Variants in C11orf58 observed in about 807,000 individuals in gnomAD.
C11orf58 encodes chromosome 11 open reading frame 58.
Under a neutral mutation model 22.7 loss-of-function variants are expected in C11orf58, and 5 were observed. The observed-to-expected ratio is 0.22, with a 90% CI of 0.12 to 0.46. C11orf58 has a LOEUF of 0.46. Ranked by LOEUF, C11orf58 falls within the 20% of genes least tolerant of loss-of-function variation. C11orf58 has a pLI of 0.99. For missense variants in C11orf58, 151 were observed against 223.3 expected (o/e 0.68, Z 2.06); for synonymous variants, 71 against 70.7 (o/e 1.00, Z -0.02).
intron 1 of C11orf58, 142 bp downstream of exon 1, chr11:16,738,983 A>G (rs1848420328): frequency 6.8e-6 from 6 of 883,922 alleles, no homozygotes; most frequent in Non-Finnish European, 9.0e-6. Context: ...TGAGTGGGAA[A>G]TGCCTCCCTT....
intron 3 of C11orf58, chr11:16,749,261 CA>C (rs1320095300): frequency 6.6e-6 from 1 of 152,168 alleles, no homozygotes; most frequent in Non-Finnish European, 1.5e-5. Flanking sequence ...TTATGTTTAA[CA>C]AAACTTTAAG....
At chr11:16,750,918 A>G (rs867853314) in intron 3 of C11orf58, 17 of 152,224 alleles carry the variant, frequency 1.1e-4, no homozygotes, top group African/African-American at 3.9e-4. Flanking sequence ...TGTCATCTGT[A>G]GAGATGCTGG....
chr11:16,748,348 A>G (rs1456613306), intron 3 of C11orf58, 191 bp downstream of exon 3: 1 of 471,098 alleles, frequency 2.1e-6, no homozygotes, highest in Non-Finnish European at 3.8e-6. Context: ...GGATCACTTA[A>G]GCCCAGGAGT....
chr11:16,745,100 A>G (rs1052200167), intron 2 of C11orf58, among the ~76,000 whole-genome samples: 1 of 152,218 alleles, frequency 6.6e-6, no homozygotes, highest in African/African-American at 2.4e-5. Context: ...AACCAGAGGA[A>G]TATCCTTTAT....
Position 16,752,804 on chromosome 11 carries a change from T to G in C11orf58, c.228T>G (p.Ile76Met). The change falls in exon 4 of 5, where the codon ATT becomes ATG. Residue 76 changes from isoleucine (I) to methionine (M), a missense_variant. This residue lies in a region of C11orf58 where 112 missense variants were observed against 162.6 expected (regional missense o/e 0.69). Transcript: ENST00000228136. ...ATGCAGGGGAAGAAGACAAGAAAAT[T>G]AATGAAGAACTGGAGTCTCAATATC... ...HFRTGEEDKK[I>M]NEELESQYQQ... 1 of 1,609,794 alleles carries G rather than the reference T, an allele frequency of 6.2e-7. No homozygotes were observed. The highest frequency in any genetic ancestry group is 8.5e-7 in the Non-Finnish European group (1 of 1,178,418).
intron 4 of C11orf58, chr11:16,753,757 G>T (rs1231718066): frequency 2.5e-6 from 1 of 397,342 alleles, no homozygotes; most frequent in African/African-American, 2.1e-5. Flanking sequence ...CCTTTTTTGA[G>T]ACAGGTTCTC....
At chr11:16,753,865 A>G (rs1227617732) in intron 4 of C11orf58, 2 of 485,184 alleles carry the variant, frequency 4.1e-6, no homozygotes, top group Non-Finnish European at 7.4e-6. Flanking sequence ...TGCCTAGCTA[A>G]TTTTTGTATT....
intron 4 of C11orf58, among the ~76,000 whole-genome samples, chr11:16,753,606 G>A (rs1204381656): frequency 5.3e-5 from 8 of 150,126 alleles, no homozygotes; most frequent in Non-Finnish European, 7.4e-5. Context: ...CAGGCAATCC[G>A]CCCACCTCAG....
chr11:16,742,575 G>C (rs1389472336), intron 1 of C11orf58, among the ~76,000 whole-genome samples: 1 of 152,118 alleles, frequency 6.6e-6, no homozygotes, highest in Non-Finnish European at 1.5e-5. Flanking sequence ...AAAATTATGA[G>C]AGCATATAAG....
At chr11:16,740,804 A>ACC (rs1259576710) in intron 1 of C11orf58, among the ~76,000 whole-genome samples, 38 of 151,530 alleles carry the variant, frequency 2.5e-4, no homozygotes, top group Non-Finnish European at 4.4e-4. Context: ...AAAAAAAAAA[A>ACC]ACTAGCAGGC....
intron 2 of C11orf58, among the ~76,000 whole-genome samples, chr11:16,745,973 GC>G (rs1848484761): frequency 6.6e-6 from 1 of 152,120 alleles, no homozygotes; most frequent in East Asian, 1.9e-4. Flanking sequence ...CTACTACTGT[GC>G]TGGATCCTGG....
At chr11:16,743,197 T>TCACCTTGTGTA (rs1848461738) in intron 1 of C11orf58, among the ~76,000 whole-genome samples, 1 of 152,224 alleles carries the variant, frequency 6.6e-6, no homozygotes, top group African/African-American at 2.4e-5. Flanking sequence ...TTCCTTCCAG[T>TCACCTTGTGTA]CACCTTGTGT....
intron 1 of C11orf58, among the ~76,000 whole-genome samples, chr11:16,741,504 C>T (rs548675495): frequency 6.6e-6 from 1 of 152,320 alleles, no homozygotes; most frequent in East Asian, 1.9e-4. Context: ...AGTGCACCCA[C>T]GTGCTTTTCA....
rs1361065847 is a variant in C11orf58 at position 16,755,167 on chromosome 11, C to T, written c.*63C>T. 6.5e-7 allele frequency: 1 copy of T among 1,534,698 alleles called. No homozygotes were observed. The highest frequency in any genetic ancestry group is 8.8e-7 in the Non-Finnish European group (1 of 1,130,540). On this transcript the variant is annotated 3_prime_UTR_variant, in exon 5 of 5. Coordinates refer to ENST00000228136, the MANE Select transcript of C11orf58 (RefSeq NM_014267.6). ...TATTGTTACAATGCACAGTGGAGGA[C>T]TGCTTATAGAGCACAGACCTTTGTA...
intron 1 of C11orf58, among the ~76,000 whole-genome samples, chr11:16,740,849 T>C (rs985313839): frequency 1.3e-5 from 2 of 149,330 alleles, no homozygotes; most frequent in South Asian, 2.1e-4. Context: ...ATCCCAACAC[T>C]TTGGGAGGCC....
intron 3 of C11orf58, chr11:16,752,564 T>C: frequency 3.3e-6 from 1 of 305,734 alleles, no homozygotes; most frequent in East Asian, 5.3e-5. Flanking sequence ...AGCTAAAACA[T>C]TTAATACCCA....
At position 16,755,607 on chromosome 11, in the gene C11orf58, C is replaced by G. The variant is rs1848570876; in HGVS notation, c.*503C>G. 2 of 153,184 alleles carry G rather than the reference C, an allele frequency of 1.3e-5. No individual in the cohort carries two copies. Among genetic ancestry groups the G allele is most frequent in the South Asian group, 4.1e-4 (2 of 4,866 alleles). 9.5% of individuals were successfully genotyped at this position (153,184 alleles called of 1,614,324 possible). A position where few individuals can be genotyped will look rare whatever the true frequency, so the allele number is the denominator to read the frequency against. ...GTTTCCTGTTACTGAGTTAGCTCTACTCTTTTGGACCAAAGCAACATGAGA... is the reference window on the plus strand; with the variant it reads ...GTTTCCTGTTACTGAGTTAGCTCTAGTCTTTTGGACCAAAGCAACATGAGA... On this transcript the variant is annotated 3_prime_UTR_variant, in exon 5 of 5. Coordinates refer to ENST00000228136, the MANE Select transcript of C11orf58 (RefSeq NM_014267.6).
At chr11:16,746,611 A>G (rs1463991640) in intron 2 of C11orf58, 1 of 152,234 alleles carries the variant, frequency 6.6e-6, no homozygotes, top group African/African-American at 2.4e-5. Context: ...AACTTATTCA[A>G]GTACTTAGGA....
intron 2 of C11orf58, among the ~76,000 whole-genome samples, chr11:16,746,387 AAACT>A (rs1291834157): frequency 6.6e-6 from 1 of 152,190 alleles, no homozygotes; most frequent in Non-Finnish European, 1.5e-5. Flanking sequence ...TGGTTCTTGG[AAACT>A]AACCTTTGGC....
Sources: allele counts gnomAD v4.1 joint callset (sites outside exome capture counted in the v4.1 genomes callset), GRCh38; gene constraint gnomAD v4.1.1; regional missense constraint gnomAD v4.1.1; transcripts MANE v1.5; gene names NCBI Gene and HGNC (gene_info 2026-07-23, HGNC 2026-07-21).